COL5A1: variants seen among roughly 807,000 people sequenced by gnomAD.
COL5A1 encodes the protein collagen alpha-1(V) chain.
Under a neutral mutation model 263.7 loss-of-function variants are expected in COL5A1, and 16 were observed. That is an observed-to-expected ratio of 0.06 (90% CI 0.04 to 0.09). COL5A1 has a LOEUF of 0.09. Ranked by LOEUF, COL5A1 falls within the 10% of genes least tolerant of loss-of-function variation. COL5A1 has a pLI of 1.00. For synonymous variants in COL5A1, 1,012 were observed against 1,004.5 expected (o/e 1.01, Z -0.14); for missense variants, 2,036 against 2,540.5 (o/e 0.80, Z 4.27).
intron 51 of COL5A1, 110 bp from the exon 52 acceptor site, chr9:134,815,825 A>G (rs1228261864): frequency 6.5e-6 from 9 of 1,389,056 alleles, no homozygotes; most frequent in Non-Finnish European, 9.2e-6. Context: ...CTGTGCTGGC[A>G]CCAGAATGGA....
At chr9:134,805,297 T>C (rs1195507718) in intron 41 of COL5A1, 83 bp downstream of exon 41, 1 of 1,507,128 alleles carries the variant, frequency 6.6e-7, no homozygotes, top group Non-Finnish European at 9.2e-7. Flanking sequence ...GCCCAGAGCA[T>C]GCAGCTGCCC....
rs982582918 is a variant in COL5A1 at position 134,680,581 on chromosome 9, C to T, written c.110-10331C>T. ...CTGCTGCTCTCTGCTGTACCATGTC[C>T]GGTGAGGTCCTGAAGTGCAAAAGGC... On this transcript the variant is annotated intron_variant, in intron 1 of 65. Coordinates refer to ENST00000371817, the MANE Select transcript of COL5A1 (RefSeq NM_000093.5). This position sits in a 1 kb window ranked among gnomAD's most constrained non-coding sequence, Gnocchi z 5.9. 2.0e-5 allele frequency among the ~76,000 whole-genome samples: 3 copies of T among 152,196 alleles called. No homozygotes were observed. The highest frequency in any genetic ancestry group is 4.4e-5 in the Non-Finnish European group (3 of 68,036).
chr9:134,824,786 C>G lies in COL5A1; in HGVS notation c.4885C>G (p.Leu1629Val), dbSNP rs1420746544. 6.2e-7 allele frequency: 1 copy of G among 1,614,166 alleles called. No homozygotes were observed. The highest frequency in any genetic ancestry group is 1.7e-5 in the Admixed American group (1 of 60,028). Residue 1629 changes from leucine (L) to valine (V), a missense_variant, in exon 62 of 66, where the codon CTG becomes GTG. By Grantham distance (32) the Leu-to-Val change is conservative (BLOSUM62 1). Around this residue, in one of 3 missense-constraint regions of COL5A1, gnomAD observed 358 missense variants for 384.6 expected, o/e 0.93. Transcript: ENST00000371817. ...GGAGATTGAGCAGATGAAACGGCCC[C>G]TGGGCACGCAGCAGAACCCCGCCCG... is the stretch of plus-strand genomic sequence containing the variant. ...KLEIEQMKRP[L>V]GTQQNPARTC...
intron 10 of COL5A1, 55 bp from the exon 11 acceptor site, chr9:134,738,691 G>T: frequency 6.6e-7 from 1 of 1,514,266 alleles, no homozygotes; most frequent in South Asian, 1.1e-5. Context: ...TTGGAACTTG[G>T]ACCTTGCCCT....
chr9:134,729,435 G>A (rs1446231710), intron 6 of COL5A1, among the ~76,000 whole-genome samples: 2 of 151,914 alleles, frequency 1.3e-5, no homozygotes, highest in Non-Finnish European at 2.9e-5. Flanking sequence ...AGCATGGGCG[G>A]TGTGTGTGTG....
intron 11 of COL5A1, among the ~76,000 whole-genome samples, chr9:134,746,167 T>G: frequency 6.6e-6 from 1 of 152,120 alleles, no homozygotes; most frequent in East Asian, 1.9e-4. Context: ...CCAGGAGATG[T>G]CCAGCAGGAA....
At chr9:134,816,992 A>G (rs199966545) in intron 52 of COL5A1, 34 bp from the exon 53 acceptor site, 380 of 1,608,524 alleles carry the variant, frequency 2.4e-4, no homozygotes, top group Non-Finnish European at 3.1e-4. Context: ...ACGGGCCCCA[A>G]TTCCTCACAC....
chr9:134,805,886 C>T (rs370222956), intron 41 of COL5A1, among the ~76,000 whole-genome samples: 33 of 151,972 alleles, frequency 2.2e-4, no homozygotes, highest in African/African-American at 5.3e-4. Flanking sequence ...GAGGGTGCCC[C>T]GTGGGCAGAC....
At position 134,836,221 on chromosome 9, in the gene COL5A1, C is replaced by T. The variant is rs963770861; in HGVS notation, c.5370+1017C>T. On this transcript the variant is annotated intron_variant, in intron 65 of 65. Transcript: ENST00000371817. ...AATCGTTGTGTGGTGCCAGCATCTG[C>T]GTCCAGTGATGGCCCCAGGCTGCTT... Among the ~76,000 whole-genome samples the T allele has an allele frequency of 2.6e-5, 4 of 152,316 alleles. No individual in the cohort carries two copies. In the East Asian group the frequency reaches 5.8e-4, roughly 22 times the overall value.
At chr9:134,764,415 T>TG (rs34847832) in intron 20 of COL5A1, among the ~76,000 whole-genome samples, 211 of 123,830 alleles carry the variant, frequency 1.7e-3, no homozygotes, top group Non-Finnish European at 2.8e-3. Flanking sequence ...AGGGGCATTG[T>TG]GGGGGGGGTC....
chr9:134,767,332 C>A lies in COL5A1; in HGVS notation c.2210C>A (p.Ala737Glu). 1 of 1,614,084 alleles carries A rather than the reference C, an allele frequency of 6.2e-7. No individual in the cohort carries two copies. Among genetic ancestry groups the A allele is most frequent in the South Asian group, 1.1e-5 (1 of 91,074 alleles). Residue 737 changes from alanine to glutamate, a missense_variant, in exon 24 of 66, where the codon GCA becomes GAA. Ala to Glu is a moderately radical substitution (Grantham distance 107, BLOSUM62 -1). Transcript: ENST00000371817. ...GAQGLPGPQG[A>E]IGPPGEKGPL... ...TAGGGTCTTCCAGGCCCCCAGGGTG[C>A]AATTGGTCCTCCAGGAGAAAAGGTA... is the stretch of plus-strand genomic sequence containing the variant.
chr9:134,701,258 C>T lies in COL5A1; in HGVS notation c.579C>T (p.Arg193=). The change falls in exon 4 of 66, where the codon CGC becomes CGT. Residue 193 remains arginine (R), a synonymous_variant. Coordinates refer to ENST00000371817, the MANE Select transcript of COL5A1 (RefSeq NM_000093.5). ...AGAAGACCACCAAATTCCTCGACCGCAGCGACCACCCCATGATCGACATCA... is the reference window on the plus strand; with the variant it reads ...AGAAGACCACCAAATTCCTCGACCGTAGCGACCACCCCATGATCGACATCA... The part of the protein sequence containing the change: ...CKKKTTKFLD[R]SDHPMIDING... 1.2e-6 allele frequency: 2 copies of T among 1,614,036 alleles called. No individual in the cohort carries two copies. Among genetic ancestry groups the T allele is most frequent in the Non-Finnish European group, 1.7e-6 (2 of 1,180,024 alleles).
intron 30 of COL5A1, among the ~76,000 whole-genome samples, chr9:134,785,652 G>A (rs974296191): frequency 3.3e-5 from 5 of 152,232 alleles, no homozygotes; most frequent in Non-Finnish European, 7.3e-5. Context: ...ATCCTGCTAC[G>A]TGGACCCATA....
rs1838780254 is a variant in COL5A1, at chr9:134,817,030, C to T, written c.4127C>T (p.Ser1376Phe). 1 of 1,613,380 alleles carries T rather than the reference C, an allele frequency of 6.2e-7. No individual in the cohort carries two copies. Among genetic ancestry groups the T allele is most frequent in the Non-Finnish European group, 8.5e-7 (1 of 1,179,464 alleles). ...GDDGEPGQTG[S>F]PGPTGEPGPS... ...TGTTCTTTCTCCCAATACCAGGGAT[C>T]CCCCGGCCCTACTGGTGAACCAGGT... Residue 1376 changes from serine to phenylalanine, a missense_variant, in exon 53 of 66, where the codon TCC (serine) becomes TTC (phenylalanine). Coordinates refer to ENST00000371817, the MANE Select transcript of COL5A1 (RefSeq NM_000093.5).
chr9:134,785,099 T>A lies in COL5A1; in HGVS notation c.2592+3T>A. ...CTCTGGGACCCCCTGGGGAGAAGGT[T>A]TGTGATGTGGGACGTTCAGCCACTT... On this transcript the variant is annotated splice_donor_region_variant and intron_variant, in intron 30 of 65. Transcript: ENST00000371817. 1 of 1,609,906 alleles carries A rather than the reference T, an allele frequency of 6.2e-7. No homozygotes were observed. The highest frequency in any genetic ancestry group is 8.5e-7 in the Non-Finnish European group (1 of 1,177,010).
intron 9 of COL5A1, among the ~76,000 whole-genome samples, chr9:134,733,321 C>T (rs1834972614): frequency 6.6e-6 from 1 of 152,202 alleles, no homozygotes; most frequent in South Asian, 2.1e-4. Flanking sequence ...CCAGGGCAGA[C>T]GGGATGTGTC....
intron 32 of COL5A1, among the ~76,000 whole-genome samples, chr9:134,790,509 CCCATCCATTCATCCATCCAT>C (rs1837644941): frequency 1.1e-5 from 1 of 94,008 alleles, no homozygotes; most frequent in Non-Finnish European, 2.1e-5. Flanking sequence ...CACCCACCCA[CCCATCCATTCATCCATCCAT>C]CCACCCACCC....
chr9:134,689,975 C>A (rs142522741), intron 1 of COL5A1, among the ~76,000 whole-genome samples: 1 of 152,176 alleles, frequency 6.6e-6, no homozygotes, highest in African/African-American at 2.4e-5. Flanking sequence ...TTCCTGGATT[C>A]GCGCCTTGTG....
intron 32 of COL5A1, among the ~76,000 whole-genome samples, chr9:134,792,196 G>T (rs1837713422): frequency 6.6e-6 from 1 of 152,200 alleles, no homozygotes; most frequent in Non-Finnish European, 1.5e-5. Flanking sequence ...CTGCTTTGGG[G>T]GAAGCTCTTT....
Sources: allele counts gnomAD v4.1 joint callset (sites outside exome capture counted in the v4.1 genomes callset), GRCh38; gene constraint gnomAD v4.1.1; regional missense constraint gnomAD v4.1.1; non-coding constraint Gnocchi (gnomAD v3.1); transcripts MANE v1.5; gene names NCBI Gene and HGNC (gene_info 2026-07-23, HGNC 2026-07-21).